Variants in SLC24A3 observed in about 807,000 individuals in gnomAD.
SLC24A3 encodes the protein solute carrier family 24 member 3.
SLC24A3 carries 28 observed loss-of-function variants against 75.8 expected under a neutral mutation model. The observed-to-expected ratio is 0.37, with a 90% CI of 0.27 to 0.51. SLC24A3 has a LOEUF of 0.51. Ranked by LOEUF, SLC24A3 falls within the 20% of genes least tolerant of loss-of-function variation. The probability of loss-of-function intolerance (pLI) is 0.94; values close to 1 mark genes in which losing one functional copy is unlikely to be tolerated. For synonymous variants in SLC24A3, 372 were observed against 334.1 expected (o/e 1.11, Z -1.24); for missense variants, 663 against 847.8 (o/e 0.78, Z 2.71).
At chr20:19,558,066 A>C (rs2030818301) in intron 3 of SLC24A3, among the ~76,000 whole-genome samples, 1 of 152,016 alleles carries the variant, frequency 6.6e-6, no homozygotes, top group South Asian at 2.1e-4. Context: ...AAGATGGGGG[A>C]GGGAAATGAG....
intron 2 of SLC24A3, among the ~76,000 whole-genome samples, chr20:19,491,630 T>C (rs961429674): frequency 9.9e-5 from 15 of 152,128 alleles, no homozygotes; most frequent in Non-Finnish European, 1.9e-4. Flanking sequence ...TGCTCATGTG[T>C]CAGACACCCC....
chr20:19,404,136 T>A (rs773435384), intron 2 of SLC24A3, among the ~76,000 whole-genome samples: 55 of 152,196 alleles, frequency 3.6e-4, no homozygotes, highest in Non-Finnish European at 7.6e-4. Context: ...CTGTCAGGGA[T>A]TTCTTGGCAC....
chr20:19,627,808 A>G (rs1210819217), intron 6 of SLC24A3, among the ~76,000 whole-genome samples: 1 of 152,196 alleles, frequency 6.6e-6, no homozygotes, highest in African/African-American at 2.4e-5. Flanking sequence ...ACAGAGTAGT[A>G]ATAAGTGACA....
intron 8 of SLC24A3, among the ~76,000 whole-genome samples, chr20:19,669,816 G>A (rs1869684151): frequency 6.6e-6 from 1 of 152,168 alleles, no homozygotes; most frequent in African/African-American, 2.4e-5. Context: ...CAGGTGAGGA[G>A]AGGAGCAGTC....
chr20:19,280,617 C>G (rs573592463), intron 1 of SLC24A3, among the ~76,000 whole-genome samples: 22 of 152,166 alleles, frequency 1.4e-4, no homozygotes, highest in Non-Finnish European at 3.1e-4. Flanking sequence ...TCTCCCCCTT[C>G]GAGATTTGGT....
chr20:19,622,977 C>A (rs1236246166), intron 6 of SLC24A3, among the ~76,000 whole-genome samples: 2 of 152,180 alleles, frequency 1.3e-5, no homozygotes, highest in Admixed American at 1.3e-4. Context: ...AAGTGAGACT[C>A]ACTCATTATT....
chr20:19,531,640 A>T (rs1183058782), intron 3 of SLC24A3, among the ~76,000 whole-genome samples: 2 of 152,234 alleles, frequency 1.3e-5, no homozygotes, highest in African/African-American at 4.8e-5. Context: ...ATGTGTAAAT[A>T]CCTCAGGTTC....
At chr20:19,236,756 AAAAAC>A (rs1179403915) in intron 1 of SLC24A3, among the ~76,000 whole-genome samples, 3 of 152,166 alleles carry the variant, frequency 2.0e-5, no homozygotes, top group African/African-American at 7.2e-5. Flanking sequence ...ACCCTGTCTC[AAAAAC>A]AAAACAAAAC....
At chr20:19,299,590 A>G (rs917170817) in intron 2 of SLC24A3, among the ~76,000 whole-genome samples, 1 of 152,266 alleles carries the variant, frequency 6.6e-6, no homozygotes. Context: ...TGATCTTTTT[A>G]TTTTGTAATA....
chr20:19,634,209 C>T (rs1267846732), intron 6 of SLC24A3, among the ~76,000 whole-genome samples: 1 of 152,122 alleles, frequency 6.6e-6, no homozygotes, highest in African/African-American at 2.4e-5. Flanking sequence ...CTTTGAAATG[C>T]TTATTATCAA....
chr20:19,665,093 G>T (rs567699312), intron 7 of SLC24A3, among the ~76,000 whole-genome samples: 1 of 152,190 alleles, frequency 6.6e-6, no homozygotes, highest in African/African-American at 2.4e-5. Flanking sequence ...AAATCCTGCC[G>T]TGTATTCTCT....
chr20:19,334,905 A>G (rs1438775835), intron 2 of SLC24A3, among the ~76,000 whole-genome samples: 1 of 152,180 alleles, frequency 6.6e-6, no homozygotes, highest in Non-Finnish European at 1.5e-5. Context: ...GAAACTAAGC[A>G]TACAGACACA....
intron 4 of SLC24A3, among the ~76,000 whole-genome samples, chr20:19,583,877 C>T (rs536561003): frequency 3.9e-5 from 6 of 152,294 alleles, no homozygotes; most frequent in East Asian, 3.9e-4. Context: ...GCTGTCCAGC[C>T]GACAGCGAAG....
chr20:19,358,282 C>T (rs986944515), intron 2 of SLC24A3, among the ~76,000 whole-genome samples: 1 of 152,190 alleles, frequency 6.6e-6, no homozygotes, highest in African/African-American at 2.4e-5. Flanking sequence ...GGAGGGCAGG[C>T]CCCCGAGGTC....
rs762289827 is a variant in SLC24A3 at position 19,515,528 on chromosome 20, T to C, written c.312T>C (p.Asp104=). Residue 104 remains aspartate, a synonymous_variant, in exon 3 of 17, where the codon GAT becomes GAC. Coordinates refer to ENST00000328041, the MANE Select transcript of SLC24A3 (RefSeq NM_020689.4). ...CCAATGACATCTTCACAAACGAGGATAGAAGACAAGGTGCGGTGGTCCTCC... is the reference window on the plus strand; with the variant it reads ...CCAATGACATCTTCACAAACGAGGACAGAAGACAAGGTGCGGTGGTCCTCC... ...EFPNDIFTNE[D]RRQGAVVLHV... is the part of the protein sequence containing the mutation. 1.2e-6 allele frequency: 2 copies of C among 1,614,190 alleles called. No homozygotes were observed. The highest frequency in any genetic ancestry group is 4.5e-5 in the East Asian group (2 of 44,882).
intron 2 of SLC24A3, among the ~76,000 whole-genome samples, chr20:19,489,208 C>CTCTCAATCCCTATCACAGGGATTA (rs1600250477): frequency 1.3e-5 from 2 of 152,174 alleles, no homozygotes; most frequent in East Asian, 1.9e-4. Flanking sequence ...AATTGCTAGA[C>CTCTCAATCCCTATCACAGGGATTA]TCTCAATCCC....
At chr20:19,349,775 C>T (rs1454264963) in intron 2 of SLC24A3, among the ~76,000 whole-genome samples, 2 of 152,192 alleles carry the variant, frequency 1.3e-5, no homozygotes, top group African/African-American at 2.4e-5. Context: ...TTGTCTTAAG[C>T]TCTACTTCTG....
Position 19,212,889 on chromosome 20 carries a change from G to A in SLC24A3, c.47G>A (p.Arg16His), listed in dbSNP as rs1299764339. 7 of 1,299,630 alleles carry A rather than the reference G, an allele frequency of 5.4e-6. No individual in the cohort carries two copies. The highest frequency in any genetic ancestry group is 3.1e-5 in the Admixed American group (1 of 32,462). The allele number at this position is 1,299,630 out of a possible 1,614,324, so 80.5% of individuals were successfully genotyped here. The change falls in exon 1 of 17, where the codon CGC becomes CAC. Residue 16 changes from arginine to histidine, a missense_variant. Around this residue, in one of 2 missense-constraint regions of SLC24A3, gnomAD observed 153 missense variants for 144.2 expected, o/e 1.06. Coordinates refer to ENST00000328041, the MANE Select transcript of SLC24A3 (RefSeq NM_020689.4). The part of the protein sequence containing the change: ...DEDRARRRRR[R>H]RRRRDLLLSQ... ...GACCGCGCGCGTCGCCGCCGCCGCC[G>A]CCGCCGCCGGAGGGACCTTCTGCTG... is the stretch of plus-strand genomic sequence containing the variant.
rs769485220 is a variant in SLC24A3, at chr20:19,273,516, C to T, written c.143-7443C>T. ...TTCCCTGAACCTTGCAGCCCTCTGC[C>T]AGGTGCTTGCAGGCTCTGCAGTCTC... On this transcript the variant is annotated intron_variant, in intron 1 of 16. Transcript: ENST00000328041. 3.3e-5 allele frequency among the ~76,000 whole-genome samples: 5 copies of T among 152,266 alleles called. No homozygotes were observed. In the South Asian group the frequency reaches 1.0e-3, roughly 32 times the overall value.
Sources: gnomAD v4.1 joint callset for allele counts (sites outside exome capture counted in the v4.1 genomes callset) on GRCh38, gnomAD v4.1.1 for gene constraint, gnomAD v4.1.1 regional missense constraint, MANE v1.5 for transcripts, NCBI Gene and HGNC (gene_info 2026-07-23, HGNC 2026-07-21) for gene names.